The following FARS2 variants were observed in gnomAD, a reference collection of about 807,000 sequenced individuals.
FARS2 encodes phenylalanyl-tRNA synthetase 2, mitochondrial.
FARS2 carries 40 observed loss-of-function variants against 46.4 expected under a neutral mutation model. The ratio of observed to expected loss-of-function variants is 0.86; its 90% CI spans 0.67 to 1.12. FARS2 has a LOEUF of 1.12. FARS2 is among the 50% of genes most tolerant of loss of function. The probability of loss-of-function intolerance (pLI) is 0.00; values close to 1 mark genes in which losing one functional copy is unlikely to be tolerated. For synonymous variants in FARS2, 234 were observed against 214.9 expected (o/e 1.09, Z -0.78); for missense variants, 513 against 567.9 (o/e 0.90, Z 0.98).
intron 4 of FARS2, among the ~76,000 whole-genome samples, chr6:5,514,595 T>C (rs1374525217): frequency 6.6e-6 from 1 of 152,224 alleles, no homozygotes; most frequent in East Asian, 1.9e-4. Context: ...GTTTGTAAAT[T>C]AGCTATTGCT....
At chr6:5,729,009 C>T (rs1561825443) in intron 6 of FARS2, among the ~76,000 whole-genome samples, 3 of 152,196 alleles carry the variant, frequency 2.0e-5, no homozygotes, top group Admixed American at 6.5e-5. Context: ...CCTGCTAGGA[C>T]GCCCGCTACC....
At chr6:5,250,749 T>G in the FARS2 span, among the ~76,000 whole-genome samples, 43,554 of 151,956 alleles carry the variant, frequency 0.29, 7,864 homozygotes, top group African/African-American at 0.51. Flanking sequence ...GGAAACAACT[T>G]AGAAAATTTT....
chr6:5,722,715 T>C (rs1759991068), intron 6 of FARS2, among the ~76,000 whole-genome samples: 1 of 152,154 alleles, frequency 6.6e-6, no homozygotes, highest in African/African-American at 2.4e-5. Context: ...GATTTTATTC[T>C]GAGTGCAACG....
intron 6 of FARS2, among the ~76,000 whole-genome samples, chr6:5,644,897 A>G (rs556568271): frequency 2.0e-5 from 3 of 152,334 alleles, no homozygotes; most frequent in South Asian, 4.2e-4. Flanking sequence ...TACGTTTACA[A>G]ATGGGAATAG....
intron 6 of FARS2, among the ~76,000 whole-genome samples, chr6:5,705,082 A>G (rs1248152865): frequency 6.6e-6 from 1 of 152,224 alleles, no homozygotes; most frequent in Non-Finnish European, 1.5e-5. Context: ...GAATTAAAAT[A>G]ACAGTGCTTT....
At chr6:5,411,299 A>AACAAT (rs1169959110) in intron 3 of FARS2, among the ~76,000 whole-genome samples, 2 of 152,148 alleles carry the variant, frequency 1.3e-5, no homozygotes, top group East Asian at 3.9e-4. Context: ...AACAAAACAA[A>AACAAT]ACAAAACAAA....
At chr6:5,254,995 T>C in the FARS2 span, among the ~76,000 whole-genome samples, 26 of 152,312 alleles carry the variant, frequency 1.7e-4, no homozygotes, top group South Asian at 5.2e-3. Flanking sequence ...TGACTAACAA[T>C]GCTGCTCTGG....
intron 5 of FARS2, among the ~76,000 whole-genome samples, chr6:5,603,534 G>A (rs1774659538): frequency 6.6e-6 from 1 of 152,212 alleles, no homozygotes; most frequent in Admixed American, 6.5e-5. Context: ...AGACCAAGGT[G>A]TTGGCAGGGT....
intron 4 of FARS2, chr6:5,466,725 G>T: frequency 1.0e-6 from 1 of 980,406 alleles, no homozygotes; most frequent in Non-Finnish European, 1.2e-6. Context: ...CCAGAGAGTC[G>T]AATGCAAGGC....
intron 1 of FARS2, among the ~76,000 whole-genome samples, chr6:5,337,332 T>C (rs1771232200): frequency 6.6e-6 from 1 of 152,112 alleles, no homozygotes. Flanking sequence ...GTTTAATCTT[T>C]CAAACGAACT....
intron 4 of FARS2, among the ~76,000 whole-genome samples, chr6:5,448,386 T>G (rs1764294401): frequency 6.6e-6 from 1 of 152,240 alleles, no homozygotes; most frequent in Non-Finnish European, 1.5e-5. Flanking sequence ...TCTGTTTTTC[T>G]GTATCCTTTA....
In FARS2 at chr6:5,572,841, C is replaced by T. The variant is rs142061630; in HGVS notation, c.1065+27501C>T. Among the ~76,000 whole-genome samples, 31 of 152,272 alleles carry T rather than the reference C, an allele frequency of 2.0e-4. 1 individual carries two copies. In the East Asian group the frequency reaches 4.1e-3, roughly 20 times the overall value. On this transcript the variant is annotated intron_variant, in intron 5 of 6. Transcript: ENST00000274680. ...TTAAAGTTTGGGCACTTCTGACCAACGCTATAGTAATAACCAATGGACTGG... is the reference window on the plus strand; with the variant it reads ...TTAAAGTTTGGGCACTTCTGACCAATGCTATAGTAATAACCAATGGACTGG...
chr6:5,714,855 T>C (rs1759398104), intron 6 of FARS2, among the ~76,000 whole-genome samples: 1 of 152,080 alleles, frequency 6.6e-6, no homozygotes, highest in Non-Finnish European at 1.5e-5. Flanking sequence ...TAAAACCCCA[T>C]GTCTACTAAA....
chr6:5,407,597 A>G (rs1057481580), intron 3 of FARS2, among the ~76,000 whole-genome samples: 11 of 151,900 alleles, frequency 7.2e-5, no homozygotes, highest in African/African-American at 2.4e-4. Context: ...AAATGGATTT[A>G]TAATGTTTTT....
intron 4 of FARS2, among the ~76,000 whole-genome samples, chr6:5,446,644 G>A (rs971866806): frequency 6.6e-6 from 1 of 152,190 alleles, no homozygotes; most frequent in African/African-American, 2.4e-5. Context: ...CTTCATACTT[G>A]GATGTGATGC....
Position 5,765,940 on chromosome 6 carries a change from A to C in FARS2, c.1218-5351A>C, listed in dbSNP as rs746460343. On this transcript the variant is annotated intron_variant, in intron 6 of 6. Coordinates refer to ENST00000274680, the MANE Select transcript of FARS2 (RefSeq NM_006567.5). This position sits in a 1 kb window ranked among gnomAD's most constrained non-coding sequence, Gnocchi z 4.0. ...GAAGCCCCAGAGGTTCAAACATTCT[A>C]AGATGCCTATACCAAAATCTTTAAA... is the stretch of plus-strand genomic sequence containing the variant. Among the ~76,000 whole-genome samples, 3 of 152,202 alleles carry C rather than the reference A, an allele frequency of 2.0e-5. No individual in the cohort carries two copies. The highest frequency in any genetic ancestry group is 4.4e-5 in the Non-Finnish European group (3 of 68,038).
At chr6:5,469,120 A>G (rs1226096126) in intron 4 of FARS2, among the ~76,000 whole-genome samples, 2 of 152,188 alleles carry the variant, frequency 1.3e-5, no homozygotes, top group African/African-American at 4.8e-5. Flanking sequence ...CTTCACAGAA[A>G]CCAGTGTTTA....
intron 6 of FARS2, among the ~76,000 whole-genome samples, chr6:5,717,028 C>T (rs982178250): frequency 1.3e-5 from 2 of 152,186 alleles, no homozygotes; most frequent in African/African-American, 4.8e-5. Context: ...GTGGGGAACC[C>T]AGCAAGTCCT....
intron 4 of FARS2, among the ~76,000 whole-genome samples, chr6:5,440,518 T>C (rs1763781637): frequency 6.6e-6 from 1 of 152,244 alleles, no homozygotes; most frequent in Non-Finnish European, 1.5e-5. Flanking sequence ...GTGGAATTAC[T>C]GGTTTTTTCC....
Sources: allele counts gnomAD v4.1 joint callset (sites outside exome capture counted in the v4.1 genomes callset), GRCh38; gene constraint gnomAD v4.1.1; non-coding constraint Gnocchi (gnomAD v3.1); transcripts MANE v1.5; gene names NCBI Gene and HGNC (gene_info 2026-07-23, HGNC 2026-07-21).